EVI5: variants seen among roughly 807,000 people sequenced by gnomAD.
EVI5 encodes the protein ecotropic viral integration site 5 protein homolog.
A neutral mutation model predicts 112.0 loss-of-function variants in EVI5; 73 were observed. The observed-to-expected ratio is 0.65, with a 90% CI of 0.54 to 0.79. EVI5 has a LOEUF of 0.79. Among genes scored for constraint, EVI5 ranks in the 30% least tolerant of loss-of-function variants. The probability of loss-of-function intolerance (pLI) is 0.00; values close to 1 mark genes in which losing one functional copy is unlikely to be tolerated. For synonymous variants in EVI5, 305 were observed against 319.9 expected (o/e 0.95, Z 0.50); for missense variants, 900 against 968.8 (o/e 0.93, Z 0.94).
chr1:92,575,427 G>T (rs1446254313), intron 18 of EVI5, among the ~76,000 whole-genome samples: 1 of 151,916 alleles, frequency 6.6e-6, no homozygotes, highest in Non-Finnish European at 1.5e-5. Flanking sequence ...TATCACTGAA[G>T]ATAGTTTTTT....
At chr1:92,791,647 AG>A (rs1686099922) in intron 1 of EVI5, among the ~76,000 whole-genome samples, 1 of 152,160 alleles carries the variant, frequency 6.6e-6, no homozygotes, top group South Asian at 2.1e-4. Context: ...TCCCAATCAT[AG>A]ATGCGACGTG....
At chr1:92,662,086 C>T (rs1403041391) in intron 13 of EVI5, among the ~76,000 whole-genome samples, 1 of 152,150 alleles carries the variant, frequency 6.6e-6, no homozygotes, top group African/African-American at 2.4e-5. Flanking sequence ...GTTTAGTACG[C>T]ACCCTAGGTT....
intron 19 of EVI5, among the ~76,000 whole-genome samples, chr1:92,535,477 T>C (rs1289309472): frequency 6.6e-6 from 1 of 152,176 alleles, no homozygotes; most frequent in East Asian, 1.9e-4. Flanking sequence ...ACTGCGGCAC[T>C]GTTCATGATA....
intron 14 of EVI5, among the ~76,000 whole-genome samples, chr1:92,633,881 G>T (rs929380350): frequency 6.6e-6 from 1 of 152,160 alleles, no homozygotes; most frequent in Admixed American, 6.5e-5. Context: ...GCCTGGTGGT[G>T]ACAAAATCTC....
intron 19 of EVI5, among the ~76,000 whole-genome samples, chr1:92,523,691 C>T (rs1227648811): frequency 6.6e-6 from 1 of 152,108 alleles, no homozygotes; most frequent in Non-Finnish European, 1.5e-5. Flanking sequence ...TTCAACTCAG[C>T]GAGCTGCTCT....
intron 16 of EVI5, among the ~76,000 whole-genome samples, chr1:92,612,474 C>T (rs956649734): frequency 6.5e-4 from 99 of 151,968 alleles, no homozygotes; most frequent in African/African-American, 2.3e-3. Flanking sequence ...TTTGGGAGGC[C>T]GAGGCGGGAG....
At chr1:92,629,437 G>C (rs1413060864) in intron 14 of EVI5, among the ~76,000 whole-genome samples, 6 of 152,182 alleles carry the variant, frequency 3.9e-5, no homozygotes, top group Non-Finnish European at 8.8e-5. Flanking sequence ...GGAAACAAGA[G>C]ATTTGGAGTT....
chr1:92,766,096 A>AAATAATAATAAT (rs71091300), intron 1 of EVI5, among the ~76,000 whole-genome samples: 225 of 140,998 alleles, frequency 1.6e-3, no homozygotes, highest in African/African-American at 4.8e-3. Context: ...AGACCCTGCA[A>AAATAATAATAAT]AATAATAATA....
intron 19 of EVI5, among the ~76,000 whole-genome samples, chr1:92,520,062 C>T (rs889887881): frequency 4.0e-5 from 6 of 151,884 alleles, no homozygotes; most frequent in African/African-American, 1.5e-4. Flanking sequence ...AGGGGGTGAT[C>T]GCAAATAGGC....
chr1:92,592,792 C>T (rs1330533198), intron 18 of EVI5, among the ~76,000 whole-genome samples: 1 of 152,200 alleles, frequency 6.6e-6, no homozygotes, highest in African/African-American at 2.4e-5. Context: ...CTATAAACAC[C>T]TCTATGCAAA....
In EVI5 at chr1:92,619,766, AT is replaced by A. The variant is rs1367616111; in HGVS notation, c.1827+4409del. Among the ~76,000 whole-genome samples the A allele has an allele frequency of 8.0e-4, 120 of 149,648 alleles. 1 individual carries two copies. In the South Asian group the frequency reaches 0.013, roughly 16 times the overall value. On this transcript the variant is annotated intron_variant, in intron 16 of 19. Transcript: ENST00000684568. ...ACCTTTTCTCTTTGAAAAAAAAAAA[AT>A]TTTTTTTTTGTTAAAGAAAAGCTAG...
chr1:92,782,184 G>A (rs1385579469), intron 1 of EVI5, among the ~76,000 whole-genome samples: 2 of 151,620 alleles, frequency 1.3e-5, no homozygotes, highest in East Asian at 1.9e-4. Flanking sequence ...GCTTGAACCC[G>A]GGAGGCGAGG....
At chr1:92,556,481 A>T (rs897383017) in intron 19 of EVI5, among the ~76,000 whole-genome samples, 7 of 152,236 alleles carry the variant, frequency 4.6e-5, no homozygotes, top group Non-Finnish European at 8.8e-5. Context: ...GATGACATAT[A>T]AAGAAACCAA....
chr1:92,774,486 C>T lies in EVI5; in HGVS notation c.-82+10350G>A, dbSNP rs182622240. Among the ~76,000 whole-genome samples, 4 of 152,194 alleles carry T rather than the reference C, an allele frequency of 2.6e-5. No homozygotes were observed. The East Asian group carries it at 7.7e-4, about 29-fold the overall frequency. ...TTTGAGCACCAACTCAGACAAAATCCCCATCCTTCCTTCTATCTCAGTGCT... is the reference window on the plus strand; with the variant it reads ...TTTGAGCACCAACTCAGACAAAATCTCCATCCTTCCTTCTATCTCAGTGCT... On this transcript the variant is annotated intron_variant, in intron 1 of 19. Coordinates refer to ENST00000684568, the MANE Select transcript of EVI5 (RefSeq NM_001350197.2).
At chr1:92,630,852 G>T (rs926379419) in intron 14 of EVI5, among the ~76,000 whole-genome samples, 3 of 152,126 alleles carry the variant, frequency 2.0e-5, no homozygotes, top group Non-Finnish European at 4.4e-5. Flanking sequence ...TGTATAAGGT[G>T]TAAGGAAGGG....
At chr1:92,619,805 G>GT (rs977068338) in intron 16 of EVI5, among the ~76,000 whole-genome samples, 2 of 151,576 alleles carry the variant, frequency 1.3e-5, no homozygotes, top group African/African-American at 4.9e-5. Flanking sequence ...ATGAAAAACA[G>GT]TAACAGACGT....
intron 1 of EVI5, among the ~76,000 whole-genome samples, chr1:92,769,550 C>G (rs1199328891): frequency 6.6e-6 from 1 of 152,108 alleles, no homozygotes; most frequent in Non-Finnish European, 1.5e-5. Flanking sequence ...ACTATGTTAT[C>G]TTATACGGCA....
chr1:92,694,079 T>A (rs771312096), intron 8 of EVI5, among the ~76,000 whole-genome samples, 180 bp from the exon 9 acceptor site: 7 of 152,026 alleles, frequency 4.6e-5, no homozygotes, highest in Non-Finnish European at 7.4e-5. Flanking sequence ...CTGGCCAACA[T>A]GATGAAACCC....
intron 16 of EVI5, among the ~76,000 whole-genome samples, chr1:92,611,066 G>T (rs923374416): frequency 6.0e-5 from 9 of 150,788 alleles, no homozygotes; most frequent in Non-Finnish European, 1.3e-4. Flanking sequence ...CCTGCACAAT[G>T]TGCACATGTA....
Sources: allele counts gnomAD v4.1 joint callset (sites outside exome capture counted in the v4.1 genomes callset), GRCh38; gene constraint gnomAD v4.1.1; transcripts MANE v1.5; gene names NCBI Gene and HGNC (gene_info 2026-07-23, HGNC 2026-07-21).